Variants in STON1 observed in about 807,000 individuals in gnomAD.
STON1 encodes stonin-1.
A neutral mutation model predicts 60.9 loss-of-function variants in STON1; 79 were observed. That is an observed-to-expected ratio of 1.30 (90% CI 1.08 to 1.56). STON1 has a LOEUF of 1.56. STON1 is among the 40% of genes most tolerant of loss of function. The pLI is 0.00. For synonymous variants in STON1, 363 were observed against 306.9 expected (o/e 1.18, Z -1.91); for missense variants, 1,166 against 858.9 (o/e 1.36, Z -4.47).
At chr2:48,550,811 G>C (rs1046175321) in intron 1 of STON1, among the ~76,000 whole-genome samples, 4 of 151,504 alleles carry the variant, frequency 2.6e-5, no homozygotes, top group African/African-American at 9.7e-5. Flanking sequence ...AGAAAATAGA[G>C]GAAAACACCT....
chr2:48,560,123 A>C (rs755039774), intron 1 of STON1, among the ~76,000 whole-genome samples: 1 of 152,184 alleles, frequency 6.6e-6, no homozygotes, highest in South Asian at 2.1e-4. Context: ...GATTGGTTTC[A>C]CTTATCCCCC....
chr2:48,594,099 C>T (rs1410934791), intron 3 of STON1, among the ~76,000 whole-genome samples: 1 of 152,190 alleles, frequency 6.6e-6, no homozygotes, highest in Non-Finnish European at 1.5e-5. Flanking sequence ...CCCAGCTTCT[C>T]TCTCTGCCCA....
chr2:48,564,557 T>C lies in STON1; in HGVS notation c.-47-16030T>C, dbSNP rs367644299. Reference sequence around the variant, plus strand: ...TTCTTCTTCTTCTTCTTCTTCTTCTTCTTCTTCTTCTCCTTCTCCTTCTCC... The same window carrying C: ...TTCTTCTTCTTCTTCTTCTTCTTCTCCTTCTTCTTCTCCTTCTCCTTCTCC... On this transcript the variant is annotated intron_variant, in intron 1 of 3. Coordinates refer to ENST00000404752, the MANE Select transcript of STON1 (RefSeq NM_006873.4). Among the ~76,000 whole-genome samples the C allele has an allele frequency of 1.7e-3, 84 of 48,594 alleles. 2 individuals are homozygous for C. The highest frequency in any genetic ancestry group is 4.5e-3 in the African/African-American group (53 of 11,724). 31.9% of individuals were successfully genotyped at this position (48,594 alleles called of 152,430 possible).
At chr2:48,587,588 G>C (rs953985338) in intron 2 of STON1, among the ~76,000 whole-genome samples, 2 of 152,104 alleles carry the variant, frequency 1.3e-5, no homozygotes, top group Admixed American at 1.3e-4. Flanking sequence ...ACTGCGTCCG[G>C]CCTCCCATGA....
At chr2:48,555,327 C>A (rs867349665) in intron 1 of STON1, among the ~76,000 whole-genome samples, 3 of 27,494 alleles carry the variant, frequency 1.1e-4, no homozygotes, top group African/African-American at 2.6e-4. Context: ...GGGGCTGACC[C>A]CCCCCACCTC....
chr2:48,578,529 T>TTTCTCCTCCTTCTCCTCC (rs139630416), intron 1 of STON1, among the ~76,000 whole-genome samples: 6 of 129,172 alleles, frequency 4.6e-5, no homozygotes, highest in African/African-American at 1.4e-4. Context: ...CCGCTTCCTC[T>TTTCTCCTCCTTCTCCTCC]TTCTCCTCCT....
At position 48,564,467 on chromosome 2, in the gene STON1, CTTCTTCTTCTTCTTT is replaced by C. The variant is rs1558604489; in HGVS notation, c.-47-16119_-47-16105del. Among the ~76,000 whole-genome samples, 17 of 55,952 alleles carry C rather than the reference CTTCTTCTTCTTCTTT, an allele frequency of 3.0e-4. 1 individual carries two copies. The highest frequency in any genetic ancestry group is 9.6e-4 in the African/African-American group (14 of 14,534). The allele number at this position is 55,952 out of a possible 152,430, so 36.7% of individuals were successfully genotyped here. On this transcript the variant is annotated intron_variant, in intron 1 of 3. Coordinates refer to ENST00000404752, the MANE Select transcript of STON1 (RefSeq NM_006873.4). ...TCTTCTTCTTCTTCTTCTTCTTCTT[CTTCTTCTTCTTCTTT>C]CTTCTTCTTCTTCTTCTTCTTCTTC...
chr2:48,542,272 T>C (rs1334546249), intron 1 of STON1, among the ~76,000 whole-genome samples: 2 of 152,350 alleles, frequency 1.3e-5, no homozygotes, highest in East Asian at 3.9e-4. Flanking sequence ...GGCCTTCTCC[T>C]CTGGCCCTTT....
At chr2:48,588,922 G>T (rs1674361159) in intron 2 of STON1, among the ~76,000 whole-genome samples, 1 of 152,072 alleles carries the variant, frequency 6.6e-6, no homozygotes, top group Non-Finnish European at 1.5e-5. Context: ...TTCATACTAA[G>T]GTGTGAATGA....
Position 48,564,480 on chromosome 2 carries a change from TTTCTTCTTCTTCTTCTTCTTC to T in STON1, c.-47-16039_-47-16019del, listed in dbSNP as rs869188236. On this transcript the variant is annotated intron_variant, in intron 1 of 3. Coordinates refer to ENST00000404752, the MANE Select transcript of STON1 (RefSeq NM_006873.4). ...CTTCTTCTTCTTCTTCTTCTTCTTC[TTTCTTCTTCTTCTTCTTCTTC>T]TTCTTCTTCTTCTTCTTCTTCTTCT... Among the ~76,000 whole-genome samples, 68 of 32,472 alleles carry T rather than the reference TTTCTTCTTCTTCTTCTTCTTC, an allele frequency of 2.1e-3. 1 individual carries two copies. Among genetic ancestry groups the T allele is most frequent in the East Asian group, 4.1e-3 (5 of 1,206 alleles). 21.3% of individuals were successfully genotyped at this position (32,472 alleles called of 152,430 possible).
At chr2:48,532,936 G>A (rs1279646972) in intron 1 of STON1, among the ~76,000 whole-genome samples, 16 of 152,158 alleles carry the variant, frequency 1.1e-4, no homozygotes, top group African/African-American at 3.9e-4. Context: ...AAATAAAAAA[G>A]GAAAAGGCCA....
chr2:48,551,641 T>G (rs922165394), intron 1 of STON1, among the ~76,000 whole-genome samples: 1 of 152,260 alleles, frequency 6.6e-6, no homozygotes, highest in Non-Finnish European at 1.5e-5. Context: ...CTCCCTTTCT[T>G]TCCCAGCCAG....
At position 48,598,374 on chromosome 2, in the gene STON1, A is replaced by T. The variant is rs971719921; in HGVS notation, c.*3072A>T. 1.3e-5 allele frequency: 2 copies of T among 152,656 alleles called. No homozygotes were observed. Among genetic ancestry groups the T allele is most frequent in the African/African-American group, 4.8e-5 (2 of 41,444 alleles). The allele number at this position is 152,656 out of a possible 1,614,324, so 9.5% of individuals were successfully genotyped here. A position where few individuals can be genotyped will look rare whatever the true frequency, so the allele number is the denominator to read the frequency against. ...AGTTAGAAGGACTTCCTTAACAATG[A>T]CTATTATAATGTCTTACTTAAAATA... On this transcript the variant is annotated 3_prime_UTR_variant, in exon 4 of 4. Coordinates refer to ENST00000404752, the MANE Select transcript of STON1 (RefSeq NM_006873.4).
Position 48,580,743 on chromosome 2 carries a change from C to G in STON1, c.110C>G (p.Pro37Arg). 3.9e-6 allele frequency: 6 copies of G among 1,541,494 alleles called. No individual in the cohort carries two copies. The highest frequency in any genetic ancestry group is 5.2e-6 in the Non-Finnish European group (6 of 1,144,916). The change falls in exon 2 of 4, where the codon CCA becomes CGA. Residue 37 changes from proline to arginine, a missense_variant. By Grantham distance (103) the Pro-to-Arg change is moderately radical. Coordinates refer to ENST00000404752, the MANE Select transcript of STON1 (RefSeq NM_006873.4). ...FPLENQGVCRPNGLKLNLPGL... is the reference protein window; with the variant it reads ...FPLENQGVCRRNGLKLNLPGL... ...CTGGAGAATCAAGGTGTCTGTAGACCAAATGGACTGAAGCTGAACCTTCCT... is the reference window on the plus strand; with the variant it reads ...CTGGAGAATCAAGGTGTCTGTAGACGAAATGGACTGAAGCTGAACCTTCCT...
chr2:48,537,136 C>T (rs891407568), intron 1 of STON1, among the ~76,000 whole-genome samples: 2 of 152,138 alleles, frequency 1.3e-5, no homozygotes, highest in African/African-American at 4.8e-5. Flanking sequence ...GTAGATGGTC[C>T]AGTACAGTGT....
intron 1 of STON1, among the ~76,000 whole-genome samples, chr2:48,564,593 C>T (rs189683488): frequency 0.1 from 4,730 of 46,110 alleles, 1,214 homozygotes; most frequent in Non-Finnish European, 0.17. Flanking sequence ...TCCTCCTCCT[C>T]CTCCTCCTCC....
At chr2:48,557,896 A>G (rs1208229630) in intron 1 of STON1, among the ~76,000 whole-genome samples, 1 of 152,214 alleles carries the variant, frequency 6.6e-6, no homozygotes, top group Non-Finnish European at 1.5e-5. Flanking sequence ...CCAATCTTTT[A>G]TAACTGCTTT....
At chr2:48,584,527 C>G (rs1674087100) in intron 2 of STON1, among the ~76,000 whole-genome samples, 2 of 152,112 alleles carry the variant, frequency 1.3e-5, no homozygotes, top group Non-Finnish European at 2.9e-5. Context: ...CTTGGCCTCC[C>G]AAAGTGTTGG....
At chr2:48,559,645 A>C (rs1672528116) in intron 1 of STON1, among the ~76,000 whole-genome samples, 1 of 152,188 alleles carries the variant, frequency 6.6e-6, no homozygotes, top group African/African-American at 2.4e-5. Context: ...CAGGGAATTG[A>C]AGTAACTTGC....
Sources: allele counts gnomAD v4.1 joint callset (sites outside exome capture counted in the v4.1 genomes callset), GRCh38; gene constraint gnomAD v4.1.1; transcripts MANE v1.5; gene names NCBI Gene and HGNC (gene_info 2026-07-23, HGNC 2026-07-21).